The following CELF4 variants were observed in gnomAD, a reference collection of about 807,000 sequenced individuals.
CELF4 encodes the protein CUG-BP- and ETR-3-like factor 4.
In CELF4, 18 loss-of-function variants were observed where a neutral mutation model predicts 59.9. The observed-to-expected ratio is 0.30, with a 90% confidence interval of 0.21 to 0.45. CELF4 has a LOEUF of 0.45. Among genes scored for constraint, CELF4 ranks in the 20% least tolerant of loss-of-function variants. The probability of loss-of-function intolerance (pLI) is 1.00; values close to 1 mark genes in which losing one functional copy is unlikely to be tolerated. For missense variants in CELF4, 456 were observed against 689.0 expected (o/e 0.66, Z 3.79); for synonymous variants, 261 against 267.1 (o/e 0.98, Z 0.22).
intron 2 of CELF4, among the ~76,000 whole-genome samples, chr18:37,373,770 C>G (rs911009224): frequency 6.6e-6 from 1 of 152,282 alleles, no homozygotes; most frequent in East Asian, 1.9e-4. Flanking sequence ...GGCAGGGCAT[C>G]ATGCCAGCAA....
intron 2 of CELF4, among the ~76,000 whole-genome samples, chr18:37,481,680 G>A (rs1030879045): frequency 3.9e-5 from 6 of 152,150 alleles, no homozygotes; most frequent in South Asian, 4.1e-4. Context: ...ACTCTGGGCC[G>A]TTTCTCGGAC....
intron 1 of CELF4, among the ~76,000 whole-genome samples, chr18:37,495,563 T>C (rs908623685): frequency 6.6e-6 from 1 of 152,130 alleles, no homozygotes; most frequent in African/African-American, 2.4e-5. Context: ...TGTCATTTGC[T>C]TGGTTGTGTG....
chr18:37,307,854 A>C (rs1323205789), intron 3 of CELF4, among the ~76,000 whole-genome samples: 2 of 152,198 alleles, frequency 1.3e-5, no homozygotes, highest in African/African-American at 4.8e-5. Flanking sequence ...TGGGAAGGCC[A>C]GTAGGGACCC....
intron 3 of CELF4, among the ~76,000 whole-genome samples, chr18:37,307,845 G>A (rs966623164): frequency 6.6e-6 from 1 of 152,164 alleles, no homozygotes; most frequent in Non-Finnish European, 1.5e-5. Flanking sequence ...GTTTGGAGCT[G>A]GGAAGGCCAG....
At chr18:37,511,368 T>A (rs1020260394) in intron 1 of CELF4, among the ~76,000 whole-genome samples, 1 of 151,864 alleles carries the variant, frequency 6.6e-6, no homozygotes, top group Non-Finnish European at 1.5e-5. Context: ...CGCGTCCGGG[T>A]CCCCTGCACA....
intron 1 of CELF4, among the ~76,000 whole-genome samples, chr18:37,525,013 T>C (rs1189211340): frequency 6.6e-6 from 1 of 152,190 alleles, no homozygotes; most frequent in African/African-American, 2.4e-5. Context: ...CCTGCCCTCC[T>C]CCCTTCTCCT....
intron 2 of CELF4, among the ~76,000 whole-genome samples, chr18:37,470,448 T>C (rs2099818226): frequency 6.6e-6 from 1 of 152,160 alleles, no homozygotes; most frequent in African/African-American, 2.4e-5. Context: ...ATGGGTGTCC[T>C]CCCCAGGTCT....
At chr18:37,549,879 T>G (rs767604266) in intron 1 of CELF4, among the ~76,000 whole-genome samples, 7 of 152,152 alleles carry the variant, frequency 4.6e-5, no homozygotes, top group Non-Finnish European at 8.8e-5. Flanking sequence ...TGTCCTGTGA[T>G]CCATACAATT....
At chr18:37,457,320 G>A (rs1310970497) in intron 2 of CELF4, among the ~76,000 whole-genome samples, 1 of 152,042 alleles carries the variant, frequency 6.6e-6, no homozygotes, top group Non-Finnish European at 1.5e-5. Context: ...TCCTCAGAGT[G>A]GTCTCCCTGA....
chr18:37,307,143 C>T (rs1015097575), intron 3 of CELF4, among the ~76,000 whole-genome samples: 2 of 152,140 alleles, frequency 1.3e-5, no homozygotes, highest in South Asian at 2.1e-4. Flanking sequence ...CACTCCCAGC[C>T]TGGTTGTCCC....
chr18:37,390,664 C>T (rs488797), intron 2 of CELF4, among the ~76,000 whole-genome samples: 74,074 of 151,500 alleles, frequency 0.49, 18,817 homozygotes, highest in East Asian at 0.68. Flanking sequence ...TCAGTAAATA[C>T]TTACTGACTG....
intron 2 of CELF4, among the ~76,000 whole-genome samples, chr18:37,357,921 C>T (rs1256545055): frequency 6.6e-6 from 1 of 152,188 alleles, no homozygotes; most frequent in African/African-American, 2.4e-5. Context: ...GCTGTATCTA[C>T]CCAGCGCCTG....
At chr18:37,477,866 C>T (rs1040083548) in intron 2 of CELF4, among the ~76,000 whole-genome samples, 4 of 152,078 alleles carry the variant, frequency 2.6e-5, no homozygotes, top group Non-Finnish European at 4.4e-5. Context: ...TGATGGCAGC[C>T]GTGATCCAAG....
intron 2 of CELF4, among the ~76,000 whole-genome samples, chr18:37,327,141 T>C (rs1364260185): frequency 6.6e-6 from 1 of 152,108 alleles, no homozygotes; most frequent in Non-Finnish European, 1.5e-5. Context: ...CAGGCCAAGC[T>C]GCTCTTTCCT....
chr18:37,440,407 T>A (rs1398132621), intron 2 of CELF4, among the ~76,000 whole-genome samples: 1 of 152,156 alleles, frequency 6.6e-6, no homozygotes, highest in South Asian at 2.1e-4. Context: ...GCCCAGTTTG[T>A]CTCAGGCCCA....
At chr18:37,369,213 A>G (rs552225684) in intron 2 of CELF4, among the ~76,000 whole-genome samples, 2 of 152,204 alleles carry the variant, frequency 1.3e-5, no homozygotes, top group South Asian at 4.2e-4. Flanking sequence ...ATGTAAACCT[A>G]TAACTATCTC....
intron 2 of CELF4, among the ~76,000 whole-genome samples, chr18:37,371,273 G>A (rs1405806604): frequency 2.0e-5 from 3 of 152,206 alleles, no homozygotes; most frequent in Admixed American, 2.0e-4. Context: ...CCAAGTCATT[G>A]ATAATGTGGA....
intron 2 of CELF4, among the ~76,000 whole-genome samples, chr18:37,470,890 C>CAGAGAGAGAGAGAG (rs142446683): frequency 1.6e-3 from 153 of 94,986 alleles, no homozygotes; most frequent in African/African-American, 5.7e-3. Flanking sequence ...GTGTGTGTGA[C>CAGAGAGAGAGAGAG]AGAGAGAGAG....
At chr18:37,543,620 ACC>A (rs2099979294) in intron 1 of CELF4, among the ~76,000 whole-genome samples, 1 of 152,176 alleles carries the variant, frequency 6.6e-6, no homozygotes, top group Non-Finnish European at 1.5e-5. Flanking sequence ...CCTGGCTGGA[ACC>A]AGCAGCCGGA....
Sources: allele counts gnomAD v4.1 joint callset (sites outside exome capture counted in the v4.1 genomes callset), GRCh38; gene constraint gnomAD v4.1.1; transcripts MANE v1.5; gene names NCBI Gene and HGNC (gene_info 2026-07-23, HGNC 2026-07-21).